The following ATMIN variants were observed in gnomAD, a reference collection of about 807,000 sequenced individuals.
ATMIN encodes ATM interactor, also known as ATM INteracting protein.
ATMIN carries 24 observed loss-of-function variants against 49.2 expected under a neutral mutation model. That is an observed-to-expected ratio of 0.49 (90% confidence interval 0.35 to 0.69). ATMIN has a LOEUF of 0.69. Ranked by LOEUF, ATMIN falls within the 30% of genes least tolerant of loss-of-function variation. The pLI is 0.00. For missense variants in ATMIN, 1,037 were observed against 1,005.5 expected, an observed-to-expected ratio of 1.03 and a Z score of -0.42; for synonymous variants, 450 against 392.5, an observed-to-expected ratio of 1.15 and a Z score of -1.73.
intron 1 of ATMIN, chr16:81,040,576 C>G (rs977215461): frequency 1.3e-5 from 2 of 152,116 alleles, no homozygotes; most frequent in African/African-American, 4.8e-5. Context: ...ACAGAAGATA[C>G]AAATAAATCT....
At chr16:81,041,222 G>T in intron 1 of ATMIN, 134 bp from the exon 2 acceptor site, 2 of 938,504 alleles carry the variant, frequency 2.1e-6, no homozygotes, top group Non-Finnish European at 3.2e-6. Flanking sequence ...TTCTCTTACT[G>T]CTGACACTAG....
In ATMIN at chr16:81,044,999, G is replaced by T; in HGVS notation, c.*29G>T. The T allele has an allele frequency of 6.3e-7, 1 of 1,592,552 alleles. No individual in the cohort carries two copies. The highest frequency in any genetic ancestry group is 8.6e-7 in the Non-Finnish European group (1 of 1,167,816). On this transcript the variant is annotated 3_prime_UTR_variant, in exon 4 of 4. Transcript: ENST00000299575. ...TAACGGTGGAGTCCATGTGTGAAAT[G>T]GCATCTACCATTTCCTCTGGATTAA...
rs1292091893 is a variant in ATMIN, at chr16:81,045,313, T to C, written c.*343T>C. On this transcript the variant is annotated 3_prime_UTR_variant, in exon 4 of 4. Coordinates refer to ENST00000299575, the MANE Select transcript of ATMIN (RefSeq NM_015251.3). ...CTTACCAGGTTCAAGGGTACAAACTTCTCAAATCTTCAAAACATTTTAGTC... is the reference window on the plus strand; with the variant it reads ...CTTACCAGGTTCAAGGGTACAAACTCCTCAAATCTTCAAAACATTTTAGTC... The C allele has an allele frequency of 9.2e-6, 2 of 216,476 alleles. No individual in the cohort carries two copies. Among genetic ancestry groups the C allele is most frequent in the East Asian group, 1.2e-4 (1 of 8,694 alleles). The allele number at this position is 216,476 out of a possible 1,614,324, so 13.4% of individuals were successfully genotyped here.
chr16:81,041,980 A>G (rs1597125736), intron 2 of ATMIN, among the ~76,000 whole-genome samples: 1 of 152,196 alleles, frequency 6.6e-6, no homozygotes. Context: ...TCCTGAGAAG[A>G]GCATTGTAAA....
chr16:81,040,110 A>T (rs1037389706), intron 1 of ATMIN, among the ~76,000 whole-genome samples: 2 of 151,958 alleles, frequency 1.3e-5, no homozygotes, highest in Non-Finnish European at 2.9e-5. Flanking sequence ...GTTTCCTCTC[A>T]TAGGTTCTCT....
chr16:81,036,974 C>T (rs1970948212), intron 1 of ATMIN, among the ~76,000 whole-genome samples: 3 of 152,186 alleles, frequency 2.0e-5, no homozygotes, highest in African/African-American at 4.8e-5. Flanking sequence ...GGGAAATTGC[C>T]CCTGTGGCTC....
chr16:81,044,967 C>A lies in ATMIN; in HGVS notation c.2469C>A (p.Phe823Leu). 6.2e-7 allele frequency: 1 copy of A among 1,609,982 alleles called. No homozygotes were observed. The highest frequency in any genetic ancestry group is 8.5e-7 in the Non-Finnish European group (1 of 1,177,152). ...TSAEPHTVSN[F>L] ...CGGAACCACACACAGTCTCCAACTT[C>A]TAAAACTAACGGTGGAGTCCATGTG... The change falls in exon 4 of 4, where the codon TTC (phenylalanine) becomes TTA (leucine). Residue 823 changes from phenylalanine to leucine, a missense_variant. By Grantham distance (22) the Phe-to-Leu change is conservative. Coordinates refer to ENST00000299575, the MANE Select transcript of ATMIN (RefSeq NM_015251.3).
chr16:81,046,894 G>C lies in ATMIN; in HGVS notation c.*1924G>C, dbSNP rs11537. On this transcript the variant is annotated 3_prime_UTR_variant, in exon 4 of 4. Transcript: ENST00000299575. ...GCTCAACCTAGTAGGTAAGAGTTTG[G>C]TTTGGTCACAGTTGCCTATGAGTGT... 17,235 of 152,584 alleles carry C rather than the reference G, an allele frequency of 0.11. 1,046 individuals carry two copies. The highest frequency in any genetic ancestry group is 0.2 in the East Asian group (1,040 of 5,178). The allele number at this position is 152,584 out of a possible 1,614,324, so 9.5% of individuals were successfully genotyped here.
chr16:81,040,415 CAGTG>C (rs1971018025), intron 1 of ATMIN: 1 of 152,192 alleles, frequency 6.6e-6, no homozygotes, highest in Admixed American at 6.6e-5. Flanking sequence ...GTTGCCATGA[CAGTG>C]AGGTTATTAA....
Position 81,046,143 on chromosome 16 carries a change from T to C in ATMIN, c.*1173T>C, listed in dbSNP as rs986320755. ...TTCTGGTCTCCACAGTAGGCCAGAG[T>C]TGGGGGCTCTGGAGCTGTTTCCCCA... On this transcript the variant is annotated 3_prime_UTR_variant, in exon 4 of 4. Coordinates refer to ENST00000299575, the MANE Select transcript of ATMIN (RefSeq NM_015251.3). 1 of 151,602 alleles carries C rather than the reference T, an allele frequency of 6.6e-6. No individual in the cohort carries two copies. Among genetic ancestry groups the C allele is most frequent in the Non-Finnish European group, 1.5e-5 (1 of 67,920 alleles). The allele number at this position is 151,602 out of a possible 1,614,324, so 9.4% of individuals were successfully genotyped here.
At chr16:81,037,594 A>G in intron 1 of ATMIN, 2 of 725,038 alleles carry the variant, frequency 2.8e-6, no homozygotes, top group Non-Finnish European at 3.4e-6. Context: ...TTGTTTTCAT[A>G]CTAAATTTTA....
chr16:81,043,357 C>T lies in ATMIN; in HGVS notation c.859C>T (p.Pro287Ser), dbSNP rs1198366532. Residue 287 changes from proline to serine, a missense_variant, in exon 4 of 4, where the codon CCA becomes TCA. Pro to Ser is a moderately conservative substitution (Grantham distance 74). Coordinates refer to ENST00000299575, the MANE Select transcript of ATMIN (RefSeq NM_015251.3). ...SNTDKQTLTT[P>S]PRYPQKLLLP... is the part of the protein sequence containing the mutation. ...CACTGACAAGCAGACTCTTACAACA[C>T]CACCGAGATATCCTCAGAAGTTGCT... The T allele has an allele frequency of 6.2e-7, 1 of 1,614,074 alleles. No homozygotes were observed. The highest frequency in any genetic ancestry group is 1.1e-5 in the South Asian group (1 of 91,066).
intron 1 of ATMIN, among the ~76,000 whole-genome samples, chr16:81,038,356 C>T (rs943848579): frequency 6.6e-6 from 1 of 152,060 alleles, no homozygotes; most frequent in Non-Finnish European, 1.5e-5. Context: ...GTCTCGAACT[C>T]CTGACCTCAA....
In ATMIN at chr16:81,039,429, C is replaced by G. The variant is rs1031744936; in HGVS notation, c.337-1927C>G. ...AACACCCCACCCCCAACCAAATCTT[C>G]CCTTCTTAACATAAATGATGAGCAA... On this transcript the variant is annotated intron_variant, in intron 1 of 3. Transcript: ENST00000299575. 3.5e-4 allele frequency among the ~76,000 whole-genome samples: 54 copies of G among 152,284 alleles called. 1 individual carries two copies. In the Middle Eastern group the frequency reaches 0.01, roughly 29 times the overall value.
Position 81,043,389 on chromosome 16 carries a change from A to G in ATMIN, c.891A>G (p.Pro297=). The G allele has an allele frequency of 6.2e-7, 1 of 1,613,562 alleles. No individual in the cohort carries two copies. Among genetic ancestry groups the G allele is most frequent in the South Asian group, 1.1e-5 (1 of 91,042 alleles). ...PPRYPQKLLL[P]KPKVALVKLP... ...GATATCCTCAGAAGTTGCTTTTACC[A>G]AAGCCCAAAGTGGCTTTGGTTAAAC... is the stretch of plus-strand genomic sequence containing the variant. Residue 297 remains proline, a synonymous_variant, in exon 4 of 4, where the codon CCA becomes CCG. Transcript: ENST00000299575.
rs1971091373 is a variant in ATMIN, at chr16:81,044,741, C to T, written c.2243C>T (p.Ala748Val). Reference sequence around the variant, plus strand: ...ACCCAAACTGAAGGAGTCTCCACTGCTAAAAATATACCTGCTCTAGAAAGC... The same window carrying T: ...ACCCAAACTGAAGGAGTCTCCACTGTTAAAAATATACCTGCTCTAGAAAGC... The part of the protein sequence containing the change: ...TETQTEGVST[A>V]KNIPALESKV... The change falls in exon 4 of 4, where the codon GCT becomes GTT. Residue 748 changes from alanine (A) to valine (V), a missense_variant. Transcript: ENST00000299575. 6.2e-7 allele frequency: 1 copy of T among 1,614,146 alleles called. No homozygotes were observed. The highest frequency in any genetic ancestry group is 1.1e-5 in the South Asian group (1 of 91,080).
At position 81,046,504 on chromosome 16, in the gene ATMIN, A is replaced by G. The variant is rs1360664719; in HGVS notation, c.*1534A>G. 1 of 152,152 alleles carries G rather than the reference A, an allele frequency of 6.6e-6. No homozygotes were observed. The highest frequency in any genetic ancestry group is 1.5e-5 in the Non-Finnish European group (1 of 68,026). 9.4% of individuals were successfully genotyped at this position (152,152 alleles called of 1,614,324 possible). A position where few individuals can be genotyped will look rare whatever the true frequency, so the allele number is the denominator to read the frequency against. On this transcript the variant is annotated 3_prime_UTR_variant, in exon 4 of 4. Coordinates refer to ENST00000299575, the MANE Select transcript of ATMIN (RefSeq NM_015251.3). ...TTCAAAGAAAACAAGGTGAAGACCT[A>G]TTGCTTCAATAATCAAGAATGCTTT... is the stretch of plus-strand genomic sequence containing the variant.
chr16:81,040,169 T>A (rs1016005462), intron 1 of ATMIN, among the ~76,000 whole-genome samples: 3 of 152,250 alleles, frequency 2.0e-5, no homozygotes, highest in Non-Finnish European at 4.4e-5. Flanking sequence ...CAGTGCATTT[T>A]ATTCTTGAAA....
chr16:81,043,519 G>A lies in ATMIN; in HGVS notation c.1021G>A (p.Val341Met), dbSNP rs759069702. 17 of 1,614,122 alleles carry A rather than the reference G, an allele frequency of 1.1e-5. No individual in the cohort carries two copies. The East Asian group carries it at 1.6e-4, about 15-fold the overall frequency. Residue 341 changes from valine to methionine, a missense_variant, in exon 4 of 4, where the codon GTG (valine) becomes ATG (methionine). Val to Met is a conservative substitution (Grantham distance 21). Coordinates refer to ENST00000299575, the MANE Select transcript of ATMIN (RefSeq NM_015251.3). ...GVDQGSATGA[V>M]HLMPLSVGTL... ...TGATCAGGGCTCTGCCACAGGGGCT[G>A]TGCACTTAATGCCCTTGTCAGTAGG...
Sources: gnomAD v4.1 joint callset for allele counts (sites outside exome capture counted in the v4.1 genomes callset) on GRCh38, gnomAD v4.1.1 for gene constraint, MANE v1.5 for transcripts, NCBI Gene and HGNC (gene_info 2026-07-23, HGNC 2026-07-21) for gene names.